Variants in ARHGAP6 observed in about 807,000 individuals in gnomAD.
The protein encoded by ARHGAP6 is Rho GTPase activating protein 6.
A neutral mutation model predicts 55.7 loss-of-function variants in ARHGAP6; 16 were observed. The ratio of observed to expected loss-of-function variants is 0.29; its 90% CI spans 0.19 to 0.44. The LOEUF is 0.44. Ranked by LOEUF, ARHGAP6 falls within the 20% of genes least tolerant of loss-of-function variation. ARHGAP6 has a pLI of 1.00. For missense variants in ARHGAP6, 698 were observed against 808.9 expected (o/e 0.86, Z 1.66); for synonymous variants, 382 against 360.9 (o/e 1.06, Z -0.66).
intron 2 of ARHGAP6, among the ~76,000 whole-genome samples, chrX:11,239,547 G>A (rs934706669): frequency 9.0e-6 from 1 of 111,705 alleles, no homozygotes; most frequent in Non-Finnish European, 1.9e-5. Flanking sequence ...TGGAAAGGGA[G>A]TGGACAGCTA....
At chrX:11,494,575 C>G (rs1322186572) in intron 1 of ARHGAP6, among the ~76,000 whole-genome samples, 1 of 112,755 alleles carries the variant, frequency 8.9e-6, no homozygotes, top group African/African-American at 3.2e-5. Flanking sequence ...AAAAGAAGTT[C>G]TGCAAGAGCA....
At chrX:11,474,158 T>C (rs2147830614) in intron 1 of ARHGAP6, among the ~76,000 whole-genome samples, 1 of 111,436 alleles carries the variant, frequency 9.0e-6, no homozygotes, top group Admixed American at 9.5e-5. Context: ...GCTGTAAACT[T>C]GACAAGCACA....
chrX:11,640,904 T>TGTGTTATTC (rs1448542689), intron 1 of ARHGAP6, among the ~76,000 whole-genome samples: 1 of 111,734 alleles, frequency 8.9e-6, no homozygotes, highest in African/African-American at 3.2e-5. Flanking sequence ...TTAATATTGA[T>TGTGTTATTC]GTGTTATTCT....
intron 1 of ARHGAP6, among the ~76,000 whole-genome samples, chrX:11,560,806 TAC>T (rs1300757449): frequency 2.7e-5 from 3 of 112,559 alleles, no homozygotes; most frequent in African/African-American, 9.7e-5. Context: ...TCTTTTTTGA[TAC>T]AAATGTATTT....
At chrX:11,402,793 T>C (rs966161280) in intron 1 of ARHGAP6, among the ~76,000 whole-genome samples, 9 of 111,989 alleles carry the variant, frequency 8.0e-5, no homozygotes, top group Non-Finnish European at 7.5e-5. Context: ...TGAGCATCAG[T>C]TGTGGCAGAG....
intron 1 of ARHGAP6, among the ~76,000 whole-genome samples, chrX:11,405,544 A>G (rs1049132878): frequency 2.7e-5 from 3 of 112,233 alleles, no homozygotes; most frequent in Non-Finnish European, 5.6e-5. Flanking sequence ...TTACATATCC[A>G]TAAGAAAAAA....
At chrX:11,234,777 A>G in intron 2 of ARHGAP6, among the ~76,000 whole-genome samples, 1 of 112,932 alleles carries the variant, frequency 8.9e-6, no homozygotes, top group Non-Finnish European at 1.9e-5. Context: ...CTATCATTGC[A>G]AAAATTTGGA....
intron 1 of ARHGAP6, among the ~76,000 whole-genome samples, chrX:11,329,232 T>C (rs2048534109): frequency 8.9e-6 from 1 of 111,784 alleles, no homozygotes; most frequent in South Asian, 3.8e-4. Flanking sequence ...GCTAGAGAGA[T>C]GATTCATCAG....
At chrX:11,213,061 C>G (rs974587900) in intron 2 of ARHGAP6, among the ~76,000 whole-genome samples, 10 of 112,604 alleles carry the variant, frequency 8.9e-5, no homozygotes, top group African/African-American at 2.9e-4. Context: ...CCACAATATT[C>G]CAGCTCCTCA....
chrX:11,239,812 T>C (rs765295290), intron 2 of ARHGAP6, among the ~76,000 whole-genome samples: 1 of 112,279 alleles, frequency 8.9e-6, no homozygotes, highest in East Asian at 2.8e-4. Context: ...TACATATATA[T>C]GTACATATAA....
chrX:11,427,750 G>A (rs970141549), intron 1 of ARHGAP6: 655 of 763,525 alleles, frequency 8.6e-4, no homozygotes, highest in Non-Finnish European at 9.7e-4. Flanking sequence ...CTGGCACAGC[G>A]TCCCGCTGCC....
At chrX:11,388,747 G>T (rs946611044) in intron 1 of ARHGAP6, among the ~76,000 whole-genome samples, 25 of 111,773 alleles carry the variant, frequency 2.2e-4, no homozygotes, top group Non-Finnish European at 4.1e-4. Context: ...TGTAAGGAAA[G>T]GATCCAGTTT....
chrX:11,640,881 GTT>G (rs982383803), intron 1 of ARHGAP6, among the ~76,000 whole-genome samples: 2 of 111,476 alleles, frequency 1.8e-5, no homozygotes, highest in African/African-American at 6.5e-5. Flanking sequence ...TCCTTATATA[GTT>G]TTATCCCAGT....
chrX:11,166,675 C>T (rs1429536203), intron 9 of ARHGAP6, among the ~76,000 whole-genome samples: 1 of 111,951 alleles, frequency 8.9e-6, no homozygotes, highest in East Asian at 2.8e-4. Context: ...TTAATTTTCT[C>T]CTGTGCTTTA....
intron 10 of ARHGAP6, 76 bp from the exon 11 acceptor site, chrX:11,144,324 C>T: frequency 8.5e-7 from 1 of 1,175,055 alleles, no homozygotes; most frequent in Admixed American, 2.2e-5. Flanking sequence ...ATGGCTATTA[C>T]ACAAATGACT....
At chrX:11,373,248 C>T (rs761082160) in intron 1 of ARHGAP6, among the ~76,000 whole-genome samples, 207 of 109,320 alleles carry the variant, frequency 1.9e-3, no homozygotes, top group Non-Finnish European at 3.2e-3. Flanking sequence ...GACAACAGAC[C>T]GACAAATTCC....
chrX:11,339,877 T>A (rs946836845), intron 1 of ARHGAP6, among the ~76,000 whole-genome samples: 6 of 112,082 alleles, frequency 5.4e-5, no homozygotes, highest in Middle Eastern at 4.6e-3. Context: ...GTAAATAGCA[T>A]CACCCACCCA....
At chrX:11,386,836 G>A (rs754166020) in intron 1 of ARHGAP6, among the ~76,000 whole-genome samples, 1 of 111,922 alleles carries the variant, frequency 8.9e-6, no homozygotes, top group Non-Finnish European at 1.9e-5. Context: ...AGTGATGGTG[G>A]TAAACATAGA....
intron 1 of ARHGAP6, among the ~76,000 whole-genome samples, chrX:11,555,016 C>A (rs1013721894): frequency 8.9e-6 from 1 of 112,043 alleles, no homozygotes; most frequent in African/African-American, 3.3e-5. Flanking sequence ...TTTGGGACAA[C>A]AAAACACATC....
Sources: allele counts gnomAD v4.1 joint callset (sites outside exome capture counted in the v4.1 genomes callset), GRCh38; gene constraint gnomAD v4.1.1; transcripts MANE v1.5; gene names NCBI Gene and HGNC (gene_info 2026-07-23, HGNC 2026-07-21).